Variants in TAF2 observed in about 807,000 individuals in gnomAD.
TAF2 encodes the protein TATA-box binding protein associated factor 2, also known as transcription initiation factor TFIID subunit 2.
TAF2 carries 61 observed loss-of-function variants against 138.5 expected under a neutral mutation model. That is an observed-to-expected ratio of 0.44 (90% CI 0.36 to 0.54). The LOEUF (loss-of-function observed/expected upper bound fraction) is 0.54. Ranked by LOEUF, TAF2 falls within the 20% of genes least tolerant of loss-of-function variation. TAF2 has a pLI of 0.00. For missense variants in TAF2, 1,090 were observed against 1,427.9 expected (o/e 0.76, Z 3.81); for synonymous variants, 475 against 469.9 (o/e 1.01, Z -0.14).
At chr8:119,787,183 C>T (rs1473967827) in intron 14 of TAF2, among the ~76,000 whole-genome samples, 3 of 152,094 alleles carry the variant, frequency 2.0e-5, no homozygotes, top group Non-Finnish European at 4.4e-5. Flanking sequence ...CCAGAATCTA[C>T]AAGGAACTTA....
At chr8:119,746,616 T>C (rs200946870) in intron 23 of TAF2, 89 bp downstream of exon 23, 1 of 1,374,266 alleles carries the variant, frequency 7.3e-7, no homozygotes, top group African/African-American at 1.4e-5. Context: ...TTAGTGGCTA[T>C]AAAATTCACT....
Position 119,741,377 on chromosome 8 carries a change from A to T in TAF2, c.3337+1157T>A, listed in dbSNP as rs562344325. 2.6e-5 allele frequency among the ~76,000 whole-genome samples: 4 copies of T among 152,314 alleles called. No individual in the cohort carries two copies. The South Asian group carries it at 8.3e-4, about 32-fold the overall frequency. ...AAATTCTCTAAGCTTTATAATTTTT[A>T]AAAATGTAGAAAATTATTTACATCT... On this transcript the variant is annotated intron_variant, in intron 25 of 25. Transcript: ENST00000378164.
intron 5 of TAF2, among the ~76,000 whole-genome samples, chr8:119,802,670 T>A (rs933164979): frequency 1.3e-5 from 2 of 152,164 alleles, no homozygotes; most frequent in African/African-American, 4.8e-5. Context: ...CCCAGCACTA[T>A]GGGAGGCTGA....
At chr8:119,830,149 C>T (rs372456241) in intron 2 of TAF2, among the ~76,000 whole-genome samples, 8 of 152,178 alleles carry the variant, frequency 5.3e-5, no homozygotes, top group African/African-American at 7.2e-5. Flanking sequence ...CCACCCGCCT[C>T]AGCCTCCCAA....
chr8:119,745,544 G>A (rs1170641827), intron 23 of TAF2, among the ~76,000 whole-genome samples: 2 of 152,076 alleles, frequency 1.3e-5, no homozygotes, highest in African/African-American at 4.8e-5. Flanking sequence ...AACTAGCATA[G>A]AGAGAATCTG....
chr8:119,771,304 C>T (rs908346089), intron 18 of TAF2, among the ~76,000 whole-genome samples: 1 of 151,934 alleles, frequency 6.6e-6, no homozygotes, highest in Non-Finnish European at 1.5e-5. Context: ...GGTGCAACCT[C>T]GGCTCACTGC....
In TAF2 at chr8:119,795,577, C is replaced by A; in HGVS notation, c.1146G>T (p.Met382Ile). 1 of 1,613,656 alleles carries A rather than the reference C, an allele frequency of 6.2e-7. No individual in the cohort carries two copies. The highest frequency in any genetic ancestry group is 8.5e-7 in the Non-Finnish European group (1 of 1,179,788). The change falls in exon 9 of 26, where the codon ATG becomes ATT. Residue 382 changes from methionine (M) to isoleucine (I), a missense_variant. Coordinates refer to ENST00000378164, the MANE Select transcript of TAF2 (RefSeq NM_003184.4). ...GISGYIYGLW[M>I]KKTFGVNEYR... is the part of the protein sequence containing the mutation. ...ACTCATTAACACCAAAAGTTTTTTT[C>A]ATCCAAAGTCCATAGATATAGCCTG...
In TAF2 at chr8:119,745,297, T is replaced by C. The variant is rs553041129; in HGVS notation, c.3109-904A>G. Among the ~76,000 whole-genome samples the C allele has an allele frequency of 2.6e-5, 4 of 151,696 alleles. No homozygotes were observed. In the South Asian group the frequency reaches 8.3e-4, roughly 32 times the overall value. On this transcript the variant is annotated intron_variant, in intron 23 of 25. Coordinates refer to ENST00000378164, the MANE Select transcript of TAF2 (RefSeq NM_003184.4). ...CATTTTCTCCTCTTAGCCTGCAGTG[T>C]GAATGTGGATAAATTAACATATATG...
intron 3 of TAF2, among the ~76,000 whole-genome samples, chr8:119,808,732 T>C (rs1824839741): frequency 6.6e-6 from 1 of 152,224 alleles, no homozygotes; most frequent in Admixed American, 6.5e-5. Flanking sequence ...AATCTCCTAG[T>C]ACATCTCCAT....
At chr8:119,764,153 AT>A (rs201253656) in intron 18 of TAF2, among the ~76,000 whole-genome samples, 2 of 152,142 alleles carry the variant, frequency 1.3e-5, no homozygotes, top group Non-Finnish European at 1.5e-5. Context: ...CTCAAAAAAA[AT>A]AAAATAAAAT....
chr8:119,791,819 A>C (rs1246827888), intron 10 of TAF2: 1 of 157,916 alleles, frequency 6.3e-6, no homozygotes, highest in African/African-American at 2.4e-5. Context: ...TATATATGTA[A>C]AACAAAAACC....
Position 119,731,836 on chromosome 8 carries a change from C to CCT in TAF2, c.*86_*87dup. ...TGTAGGAGAGGCGAATCCTTTCCCC[C>CCT]CTCCCTTTTATAATTCTTCACAGAG... On this transcript the variant is annotated 3_prime_UTR_variant, in exon 26 of 26. Transcript: ENST00000378164. 7.6e-7 allele frequency: 1 copy of CCT among 1,308,650 alleles called. No homozygotes were observed. Among genetic ancestry groups the CCT allele is most frequent in the Non-Finnish European group, 1.1e-6 (1 of 905,092 alleles). 81.1% of individuals were successfully genotyped at this position (1,308,650 alleles called of 1,614,324 possible). A position where few individuals can be genotyped will look rare whatever the true frequency, so the allele number is the denominator to read the frequency against.
At chr8:119,815,002 G>T (rs1380160020) in intron 3 of TAF2, among the ~76,000 whole-genome samples, 1 of 151,888 alleles carries the variant, frequency 6.6e-6, no homozygotes, top group Non-Finnish European at 1.5e-5. Context: ...AGAACTTTGG[G>T]AGGCCGAGGC....
At chr8:119,790,707 T>C (rs952805979) in intron 11 of TAF2, among the ~76,000 whole-genome samples, 4 of 152,216 alleles carry the variant, frequency 2.6e-5, no homozygotes, top group Admixed American at 6.5e-5. Context: ...CGTTTTTCTA[T>C]TGAAAACAGT....
chr8:119,781,673 T>G (rs1191159618), intron 16 of TAF2, among the ~76,000 whole-genome samples: 1 of 149,558 alleles, frequency 6.7e-6, no homozygotes, highest in Non-Finnish European at 1.5e-5. Context: ...TGACAGACTC[T>G]CTCCAAAAAA....
intron 2 of TAF2, among the ~76,000 whole-genome samples, chr8:119,830,383 C>A (rs1026448238): frequency 2.0e-5 from 3 of 152,136 alleles, no homozygotes; most frequent in Non-Finnish European, 4.4e-5. Context: ...AACTCTATTT[C>A]AATTCCATTT....
chr8:119,760,253 C>T (rs1056278595), intron 20 of TAF2, among the ~76,000 whole-genome samples: 1 of 152,104 alleles, frequency 6.6e-6, no homozygotes, highest in Non-Finnish European at 1.5e-5. Context: ...TAGTCCTCTA[C>T]TTTCACAGAC....
intron 25 of TAF2, among the ~76,000 whole-genome samples, chr8:119,740,818 T>C (rs1273118905): frequency 6.6e-6 from 1 of 152,192 alleles, no homozygotes; most frequent in Non-Finnish European, 1.5e-5. Flanking sequence ...TCTTGTAATA[T>C]CACTGTTGAA....
intron 4 of TAF2, among the ~76,000 whole-genome samples, chr8:119,805,712 A>C (rs1323530092): frequency 6.6e-6 from 1 of 152,132 alleles, no homozygotes; most frequent in African/African-American, 2.4e-5. Context: ...TCTCAAAAAA[A>C]ACAAAAAAAA....
Sources: allele counts gnomAD v4.1 joint callset (sites outside exome capture counted in the v4.1 genomes callset), GRCh38; gene constraint gnomAD v4.1.1; transcripts MANE v1.5; gene names NCBI Gene and HGNC (gene_info 2026-07-23, HGNC 2026-07-21).